The following IGSF11 variants were observed in gnomAD, a reference collection of about 807,000 sequenced individuals.
IGSF11 encodes CXADR like 1.
A neutral mutation model predicts 41.0 loss-of-function variants in IGSF11; 22 were observed. The ratio of observed to expected loss-of-function variants is 0.54; its 90% CI spans 0.38 to 0.77. The LOEUF is 0.77. Among genes scored for constraint, IGSF11 ranks in the 30% least tolerant of loss-of-function variants. The pLI is 0.00. For missense variants in IGSF11, 444 were observed against 530.8 expected (o/e 0.84, Z 1.61); for synonymous variants, 219 against 201.3 (o/e 1.09, Z -0.74).
At position 119,088,453 on chromosome 3, in the gene IGSF11, A is replaced by T. The variant is rs139797559; in HGVS notation, c.49+16691T>A. 9.2e-5 allele frequency among the ~76,000 whole-genome samples: 14 copies of T among 151,438 alleles called. No individual in the cohort carries two copies. The East Asian group carries it at 2.7e-3, about 29-fold the overall frequency. ...GTTAAGAGGAAAGTTTTATAGCCCT[A>T]AACACCTTCATCAAGAAGTTAGAAA... On this transcript the variant is annotated intron_variant, in intron 1 of 6. Coordinates refer to the IGSF11 transcript ENST00000354673.
intron 1 of IGSF11, among the ~76,000 whole-genome samples, chr3:119,090,859 A>G (rs930631254): frequency 9.9e-5 from 15 of 152,204 alleles, no homozygotes; most frequent in African/African-American, 1.4e-4. Flanking sequence ...AAAAGCAACT[A>G]TAAAAACAAA....
At chr3:119,079,351 A>T (rs2076552324) in intron 1 of IGSF11, among the ~76,000 whole-genome samples, 1 of 150,916 alleles carries the variant, frequency 6.6e-6, no homozygotes, top group African/African-American at 2.5e-5. Context: ...CAGGAGTGAA[A>T]CTCCGTCTCA....
chr3:119,034,325 AG>A (rs1940712223), intron 1 of IGSF11, among the ~76,000 whole-genome samples: 1 of 152,202 alleles, frequency 6.6e-6, no homozygotes, highest in African/African-American at 2.4e-5. Context: ...CTCTCTGACA[AG>A]GAACACCTGG....
chr3:119,136,828 A>G (rs942360481), intron 1 of IGSF11, among the ~76,000 whole-genome samples: 3 of 152,020 alleles, frequency 2.0e-5, no homozygotes, highest in Non-Finnish European at 2.9e-5. Flanking sequence ...ATTTGGAAAA[A>G]CCTCGGGACT....
At chr3:119,051,862 C>G (rs1358606519) in intron 1 of IGSF11, among the ~76,000 whole-genome samples, 1 of 152,116 alleles carries the variant, frequency 6.6e-6, no homozygotes, top group African/African-American at 2.4e-5. Flanking sequence ...AATTAAATAA[C>G]TTGGTTCCAA....
At chr3:119,144,689 A>T (rs568686716) in intron 1 of IGSF11, among the ~76,000 whole-genome samples, 3 of 152,120 alleles carry the variant, frequency 2.0e-5, no homozygotes, top group Non-Finnish European at 2.9e-5. Flanking sequence ...AGCTACATTT[A>T]AAAAAAAGAT....
At chr3:119,012,097 C>T (rs1317043659) in intron 1 of IGSF11, among the ~76,000 whole-genome samples, 2 of 151,998 alleles carry the variant, frequency 1.3e-5, no homozygotes, top group Non-Finnish European at 2.9e-5. Flanking sequence ...TGAGGAATGG[C>T]GTTGCAAGGG....
chr3:119,035,369 G>A (rs1252761522), upstream of IGSF11, among the ~76,000 whole-genome samples: 6 of 152,142 alleles, frequency 3.9e-5, no homozygotes, highest in Non-Finnish European at 1.5e-5. Flanking sequence ...TTGGTTTTGC[G>A]CTGTTTCCTG....
chr3:119,026,638 C>A (rs1939858062), intron 1 of IGSF11, among the ~76,000 whole-genome samples: 1 of 152,132 alleles, frequency 6.6e-6, no homozygotes, highest in Non-Finnish European at 1.5e-5. Context: ...TAAAGAATGT[C>A]TTTGATGAAG....
chr3:118,943,381 A>T (rs1219592656), intron 1 of IGSF11, among the ~76,000 whole-genome samples: 1 of 152,256 alleles, frequency 6.6e-6, no homozygotes, highest in African/African-American at 2.4e-5. Flanking sequence ...TAAGCATTAT[A>T]TAAGGACTTT....
chr3:119,025,832 A>C (rs1322447032), intron 1 of IGSF11, among the ~76,000 whole-genome samples: 2 of 152,180 alleles, frequency 1.3e-5, no homozygotes, highest in African/African-American at 4.8e-5. Context: ...AAAGATGATC[A>C]CTAAAACATT....
chr3:118,905,799 C>T (rs985217697), intron 4 of IGSF11, 81 bp from the exon 5 acceptor site: 3 of 1,483,872 alleles, frequency 2.0e-6, no homozygotes, highest in Non-Finnish European at 1.9e-6. Flanking sequence ...ACCATAAAAA[C>T]AGACGAACAC....
intron 1 of IGSF11, among the ~76,000 whole-genome samples, chr3:119,017,783 T>G (rs998310362): frequency 2.0e-4 from 29 of 145,586 alleles, no homozygotes; most frequent in African/African-American, 7.3e-4. Flanking sequence ...TTACTTTTTT[T>G]TTTTTTTTTT....
chr3:118,946,882 C>T (rs1461398193), intron 1 of IGSF11, among the ~76,000 whole-genome samples: 1 of 152,204 alleles, frequency 6.6e-6, no homozygotes, highest in Admixed American at 6.5e-5. Context: ...GAGGCCAAGG[C>T]GGGCGGATCA....
intron 1 of IGSF11, among the ~76,000 whole-genome samples, chr3:119,130,678 C>T (rs2077469580): frequency 6.6e-6 from 1 of 152,230 alleles, no homozygotes; most frequent in Admixed American, 6.5e-5. Context: ...TTAAACGTCC[C>T]TGTCTGACAG....
chr3:119,046,360 G>C (rs1034529157), intron 1 of IGSF11, among the ~76,000 whole-genome samples: 53 of 152,222 alleles, frequency 3.5e-4, no homozygotes, highest in Non-Finnish European at 7.2e-4. Context: ...GAAGCCTCAG[G>C]AGCTGATGCA....
intron 1 of IGSF11, among the ~76,000 whole-genome samples, chr3:118,982,544 A>G (rs1344156935): frequency 6.6e-6 from 1 of 152,232 alleles, no homozygotes; most frequent in African/African-American, 2.4e-5. Context: ...GATATGGGAC[A>G]ATAAAAAGAA....
intron 2 of IGSF11, among the ~76,000 whole-genome samples, chr3:118,929,565 T>C (rs1216535666): frequency 6.6e-6 from 1 of 152,224 alleles, no homozygotes; most frequent in African/African-American, 2.4e-5. Context: ...CAGTGAGTTC[T>C]ACAAATTATG....
chr3:119,083,126 C>CTTTTTTTTT (rs79620142), intron 1 of IGSF11, among the ~76,000 whole-genome samples: 15 of 129,110 alleles, frequency 1.2e-4, no homozygotes, highest in African/African-American at 4.3e-4. Flanking sequence ...TTTCTTTTTT[C>CTTTTTTTTT]TTTTTTTTTT....
Sources: allele counts gnomAD v4.1 joint callset (sites outside exome capture counted in the v4.1 genomes callset), GRCh38; gene constraint gnomAD v4.1.1; transcripts MANE v1.5; gene names NCBI Gene and HGNC (gene_info 2026-07-23, HGNC 2026-07-21).